The following UEVLD variants were observed in gnomAD, a reference collection of about 807,000 sequenced individuals.
The protein encoded by UEVLD is ubiquitin-conjugating enzyme E2 variant 3.
Under a neutral mutation model 58.6 loss-of-function variants are expected in UEVLD, and 47 were observed. That is an observed-to-expected ratio of 0.80 (90% CI 0.63 to 1.02). UEVLD has a LOEUF of 1.02. Ranked by LOEUF, UEVLD falls within the 50% of genes least tolerant of loss-of-function variation. The pLI is 0.00. For synonymous variants in UEVLD, 197 were observed against 195.3 expected (o/e 1.01, Z -0.07); for missense variants, 510 against 550.6 (o/e 0.93, Z 0.74).
intron 7 of UEVLD, among the ~76,000 whole-genome samples, chr11:18,553,010 C>T (rs998174168): frequency 6.6e-6 from 1 of 151,950 alleles, no homozygotes; most frequent in African/African-American, 2.4e-5. Context: ...AAAAAGTTAG[C>T]CAGGCATGGT....
chr11:18,569,052 G>A (rs1310587995), intron 4 of UEVLD, among the ~76,000 whole-genome samples: 1 of 151,852 alleles, frequency 6.6e-6, no homozygotes, highest in African/African-American at 2.4e-5. Flanking sequence ...CCACCACCAC[G>A]CCTGGCTTAT....
chr11:18,540,552 A>G (rs1165745511), intron 9 of UEVLD, among the ~76,000 whole-genome samples: 2 of 152,214 alleles, frequency 1.3e-5, no homozygotes, highest in Non-Finnish European at 2.9e-5. Flanking sequence ...GCAGACAGGG[A>G]GATAGACTGG....
At chr11:18,549,684 G>A (rs1356858019) in intron 7 of UEVLD, among the ~76,000 whole-genome samples, 1 of 152,002 alleles carries the variant, frequency 6.6e-6, no homozygotes, top group Non-Finnish European at 1.5e-5. Context: ...CTCCCAAAGT[G>A]CTGGAATTAC....
intron 7 of UEVLD, among the ~76,000 whole-genome samples, chr11:18,555,622 C>T (rs182938092): frequency 8.0e-4 from 122 of 152,072 alleles, no homozygotes; most frequent in Middle Eastern, 3.4e-3. Flanking sequence ...AAAATTACTT[C>T]ATCTAATAGT....
chr11:18,576,098 T>C (rs1268716576), intron 2 of UEVLD, among the ~76,000 whole-genome samples: 1 of 152,216 alleles, frequency 6.6e-6, no homozygotes, highest in Non-Finnish European at 1.5e-5. Context: ...GCTGTCCTTG[T>C]TCCTTCCTGG....
chr11:18,573,351 C>A (rs1852729040), intron 3 of UEVLD, among the ~76,000 whole-genome samples: 1 of 152,314 alleles, frequency 6.6e-6, no homozygotes, highest in Admixed American at 6.5e-5. Flanking sequence ...GAATGAATCA[C>A]CTTAATCAGT....
chr11:18,545,400 C>A (rs1565113927), intron 8 of UEVLD, among the ~76,000 whole-genome samples: 1 of 149,874 alleles, frequency 6.7e-6, no homozygotes, highest in Non-Finnish European at 1.5e-5. Context: ...ACATTAGAAA[C>A]ACTAACAAGG....
intron 6 of UEVLD, among the ~76,000 whole-genome samples, chr11:18,561,660 G>A (rs574053555): frequency 7.2e-4 from 110 of 152,034 alleles, no homozygotes; most frequent in Non-Finnish European, 1.3e-3. Flanking sequence ...TGGCCAACAT[G>A]GTGAAACCCC....
intron 2 of UEVLD, among the ~76,000 whole-genome samples, chr11:18,576,309 T>C (rs1055166290): frequency 2.0e-5 from 3 of 152,106 alleles, no homozygotes; most frequent in African/African-American, 7.2e-5. Context: ...TCCCAGCACC[T>C]TGGGAGGCTG....
intron 4 of UEVLD, 45 bp from the exon 5 acceptor site, chr11:18,566,527 T>C: frequency 6.3e-7 from 1 of 1,598,418 alleles, no homozygotes; most frequent in Non-Finnish European, 8.5e-7. Context: ...AAAATTTTGC[T>C]GAAGAATACT....
chr11:18,583,471 G>A (rs1853365387), intron 1 of UEVLD, among the ~76,000 whole-genome samples: 1 of 151,008 alleles, frequency 6.6e-6, no homozygotes, highest in African/African-American at 2.4e-5. Context: ...CACCTGCTTT[G>A]GCCTCCCAAA....
intron 1 of UEVLD, chr11:18,579,460 A>T: frequency 3.1e-6 from 3 of 978,558 alleles, no homozygotes; most frequent in African/African-American, 3.5e-5. Flanking sequence ...GGCAGAATGG[A>T]TCACCCCTCT....
chr11:18,553,767 T>G (rs767223967), intron 7 of UEVLD, among the ~76,000 whole-genome samples: 5 of 152,206 alleles, frequency 3.3e-5, no homozygotes, highest in Non-Finnish European at 5.9e-5. Flanking sequence ...ACTATATGAT[T>G]CCATTTATAT....
At chr11:18,564,077 C>CAAAAGTTG (rs1852177743) in intron 6 of UEVLD, 1 of 227,426 alleles carries the variant, frequency 4.4e-6, no homozygotes, top group African/African-American at 2.3e-5. Flanking sequence ...TACAGCATGC[C>CAAAAGTTG]AAAAGTTGGC....
At position 18,529,698 on chromosome 11, in the gene UEVLD, A is replaced by G. The variant is rs1850489359; in HGVS notation, c.*2622T>C. 6.6e-6 allele frequency: 1 copy of G among 152,182 alleles called. No homozygotes were observed. Among genetic ancestry groups the G allele is most frequent in the Non-Finnish European group, 1.5e-5 (1 of 68,034 alleles). 9.4% of individuals were successfully genotyped at this position (152,182 alleles called of 1,614,324 possible). A position where few individuals can be genotyped will look rare whatever the true frequency, so the allele number is the denominator to read the frequency against. Reference sequence around the variant, plus strand: ...GAAAAAATGTATCTTCTGCTACATCAAAAAAGCATTTTAATCCAAACCCCA... The same window carrying G: ...GAAAAAATGTATCTTCTGCTACATCGAAAAAGCATTTTAATCCAAACCCCA... On this transcript the variant is annotated 3_prime_UTR_variant, in exon 12 of 12. Transcript: ENST00000396197.
At chr11:18,579,522 A>G (rs1449121058) in intron 1 of UEVLD, 6 of 984,962 alleles carry the variant, frequency 6.1e-6, no homozygotes, top group South Asian at 4.7e-5. Flanking sequence ...TTCACTTGAG[A>G]TACCTCGACT....
Position 18,547,022 on chromosome 11 carries a change from C to T in UEVLD, c.744G>A (p.Val248=), listed in dbSNP as rs1042385735. 1.2e-6 allele frequency: 2 copies of T among 1,613,598 alleles called. No individual in the cohort carries two copies. Among genetic ancestry groups the T allele is most frequent in the Non-Finnish European group, 8.5e-7 (1 of 1,179,926 alleles). The change falls in exon 8 of 12, where the codon GTG becomes GTA. Residue 248 remains valine, a synonymous_variant. Coordinates refer to ENST00000396197, the MANE Select transcript of UEVLD (RefSeq NM_001040697.4). ...CCAAAGAGTTGACTGTGAAGATCACCACCTTGGAATGAGCAGAGGCAGACA... is the reference window on the plus strand; with the variant it reads ...CCAAAGAGTTGACTGTGAAGATCACTACCTTGGAATGAGCAGAGGCAGACA... The part of the protein sequence containing the change: ...KDLSASAHSK[V]VIFTVNSLGS...
chr11:18,538,328 T>C (rs1052326430), intron 9 of UEVLD, among the ~76,000 whole-genome samples: 2 of 150,308 alleles, frequency 1.3e-5, no homozygotes, highest in Non-Finnish European at 3.0e-5. Flanking sequence ...CCAGGATGGA[T>C]TGCAGTGGCA....
At chr11:18,585,179 C>A (rs183738116) in intron 1 of UEVLD, among the ~76,000 whole-genome samples, 1 of 152,274 alleles carries the variant, frequency 6.6e-6, no homozygotes, top group East Asian at 1.9e-4. Context: ...GTGTGAGCCA[C>A]CACACCTGGC....
Sources: allele counts gnomAD v4.1 joint callset (sites outside exome capture counted in the v4.1 genomes callset), GRCh38; gene constraint gnomAD v4.1.1; transcripts MANE v1.5; gene names NCBI Gene and HGNC (gene_info 2026-07-23, HGNC 2026-07-21).